The following SFMBT1 variants were observed in gnomAD, a reference collection of about 807,000 sequenced individuals.
SFMBT1 encodes scm-like with four MBT domains protein 1.
SFMBT1 carries 32 observed loss-of-function variants against 108.7 expected under a neutral mutation model. That is an observed-to-expected ratio of 0.29 (90% CI 0.22 to 0.40). SFMBT1 has a LOEUF of 0.40. Ranked by LOEUF, SFMBT1 falls within the 10% of genes least tolerant of loss-of-function variation. The pLI, the probability that SFMBT1 is intolerant of heterozygous loss-of-function variation, is 1.00. For synonymous variants in SFMBT1, 348 were observed against 369.5 expected (o/e 0.94, Z 0.67); for missense variants, 816 against 1,059.6 (o/e 0.77, Z 3.19).
intron 1 of SFMBT1, among the ~76,000 whole-genome samples, chr3:53,033,805 C>A (rs1171968935): frequency 1.3e-5 from 2 of 151,288 alleles, no homozygotes; most frequent in African/African-American, 4.9e-5. Flanking sequence ...CGCAGTGGCT[C>A]ACGCCTGTAA....
chr3:52,955,042 A>C (rs1703733925), intron 2 of SFMBT1, among the ~76,000 whole-genome samples: 1 of 152,170 alleles, frequency 6.6e-6, no homozygotes, highest in South Asian at 2.1e-4. Flanking sequence ...CTAGCAGGAG[A>C]CCAGAAATAA....
In SFMBT1 at chr3:52,911,167, T is replaced by C. The variant is rs760560804; in HGVS notation, c.1742A>G (p.Lys581Arg). 1 of 1,607,322 alleles carries C rather than the reference T, an allele frequency of 6.2e-7. No individual in the cohort carries two copies. Among genetic ancestry groups the C allele is most frequent in the South Asian group, 1.1e-5 (1 of 89,702 alleles). Residue 581 changes from lysine (K) to arginine (R), a missense_variant, in exon 17 of 21, where the codon AAG (lysine) becomes AGG (arginine). Lys to Arg is a conservative substitution (Grantham distance 26). Around this residue, in one of 5 missense-constraint regions of SFMBT1, gnomAD observed 79 missense variants for 120.8 expected, o/e 0.65. Transcript: ENST00000394752. ...TATCTCAACAGTAGCCCGATAACTC[T>C]TTCCTTTATATCTGCCATTGGAAGA... is the stretch of plus-strand genomic sequence containing the variant. ...GEVLKAKYKG[K>R]SYRATVEIVK...
intron 1 of SFMBT1, among the ~76,000 whole-genome samples, chr3:53,036,859 C>T (rs11712653): frequency 6.6e-6 from 1 of 152,132 alleles, no homozygotes; most frequent in African/African-American, 2.4e-5. Context: ...AGGTGGCTTA[C>T]GGGGCCACAG....
intron 6 of SFMBT1, 120 bp downstream of exon 6, chr3:52,931,942 C>A: frequency 8.8e-7 from 1 of 1,134,084 alleles, no homozygotes; most frequent in Non-Finnish European, 1.2e-6. Context: ...TTTGTAATAG[C>A]TCTATTATGA....
chr3:52,993,942 G>A (rs1018824710), intron 1 of SFMBT1, among the ~76,000 whole-genome samples: 2 of 150,138 alleles, frequency 1.3e-5, no homozygotes, highest in Admixed American at 6.7e-5. Flanking sequence ...GGAAAAGGTC[G>A]AAACTGTAAT....
intron 2 of SFMBT1, among the ~76,000 whole-genome samples, chr3:52,968,585 T>C (rs1167345724): frequency 6.7e-6 from 1 of 148,676 alleles, no homozygotes; most frequent in Non-Finnish European, 1.5e-5. Context: ...AAAAGAAGTC[T>C]GTTCAAAACA....
Position 53,000,906 on chromosome 3 carries a change from C to T in SFMBT1, c.-130-31648G>A, listed in dbSNP as rs576538472. Among the ~76,000 whole-genome samples the T allele has an allele frequency of 6.0e-5, 9 of 149,736 alleles. 1 individual carries two copies. The highest frequency in any genetic ancestry group is 5.8e-4 in the East Asian group (3 of 5,140). Reference sequence around the variant, plus strand: ...AGGTGGTTAGGTAAATAAGTTATTGCAAATGCTTAAAATGAAAAAAAATAT... The same window carrying T: ...AGGTGGTTAGGTAAATAAGTTATTGTAAATGCTTAAAATGAAAAAAAATAT... On this transcript the variant is annotated intron_variant, in intron 1 of 20. Coordinates refer to ENST00000394752, the MANE Select transcript of SFMBT1 (RefSeq NM_016329.4).
At chr3:52,994,084 AAAC>A (rs938242997) in intron 1 of SFMBT1, among the ~76,000 whole-genome samples, 1 of 150,410 alleles carries the variant, frequency 6.6e-6, no homozygotes, top group African/African-American at 2.4e-5. Context: ...CTGCAGAGGA[AAAC>A]AACAACAGAC....
intron 1 of SFMBT1, among the ~76,000 whole-genome samples, chr3:52,992,418 T>C (rs1575424568): frequency 6.6e-6 from 1 of 152,090 alleles, no homozygotes; most frequent in Non-Finnish European, 1.5e-5. Flanking sequence ...ACATACCCCA[T>C]AAATACATAC....
Position 52,913,562 on chromosome 3 carries a change from G to A in SFMBT1, c.1536C>T (p.Phe512=). ...CPKIYFNHRC[F]SGPYLNKGRI... Reference sequence around the variant, plus strand: ...TTCCTTTGTTAAGATATGGCCCTGAGAAGCAACGGTGGTTGAAGTATATCT... The same window carrying A: ...TTCCTTTGTTAAGATATGGCCCTGAAAAGCAACGGTGGTTGAAGTATATCT... Residue 512 remains phenylalanine, a synonymous_variant, in exon 15 of 21, where the codon TTC becomes TTT. Coordinates refer to ENST00000394752, the MANE Select transcript of SFMBT1 (RefSeq NM_016329.4). 5 of 1,614,138 alleles carry A rather than the reference G, an allele frequency of 3.1e-6. No homozygotes were observed. The highest frequency in any genetic ancestry group is 4.2e-6 in the Non-Finnish European group (5 of 1,180,026).
intron 17 of SFMBT1, among the ~76,000 whole-genome samples, 180 bp from the exon 18 acceptor site, chr3:52,907,913 TCC>T (rs1702113237): frequency 6.6e-6 from 1 of 152,096 alleles, no homozygotes. Context: ...GAATGATCCC[TCC>T]ATATCAAAGT....
chr3:53,028,296 G>A (rs914767031), intron 1 of SFMBT1, among the ~76,000 whole-genome samples: 1 of 152,106 alleles, frequency 6.6e-6, no homozygotes, highest in Non-Finnish European at 1.5e-5. Flanking sequence ...TGCCCATGCT[G>A]GTCTCGAACT....
intron 1 of SFMBT1, among the ~76,000 whole-genome samples, chr3:53,003,772 A>AG (rs1553642494): frequency 1.4e-5 from 2 of 142,982 alleles, no homozygotes; most frequent in Admixed American, 7.2e-5. Flanking sequence ...AAAAAAAAAA[A>AG]AAAGAAAAGA....
intron 1 of SFMBT1, among the ~76,000 whole-genome samples, chr3:53,035,718 T>A (rs544275564): frequency 1.4e-4 from 21 of 152,234 alleles, no homozygotes; most frequent in Middle Eastern, 3.4e-3. Context: ...TGCCTCAGCC[T>A]CCCCAGTAGC....
intron 1 of SFMBT1, among the ~76,000 whole-genome samples, chr3:52,980,790 C>T (rs1704684242): frequency 6.6e-6 from 1 of 152,120 alleles, no homozygotes; most frequent in Non-Finnish European, 1.5e-5. Flanking sequence ...TGTGGGTGCA[C>T]GACTGCTGTA....
chr3:52,974,902 G>A (rs890916596), intron 1 of SFMBT1, among the ~76,000 whole-genome samples: 1 of 150,196 alleles, frequency 6.7e-6, no homozygotes, highest in Non-Finnish European at 1.5e-5. Context: ...ACCTACTCAG[G>A]AGGCTGAAGT....
chr3:52,948,825 A>ATTTTTTT lies in SFMBT1; in HGVS notation c.124-5239_124-5233dup, dbSNP rs71615878. On this transcript the variant is annotated intron_variant, in intron 3 of 20. Transcript: ENST00000394752. ...CTCCACCATGCCTGGCTAATTTTTA[A>ATTTTTTT]TTTTTTTTTTTTTTTTTTTTTGTAG... 1.8e-4 allele frequency among the ~76,000 whole-genome samples: 14 copies of ATTTTTTT among 78,300 alleles called. 4 individuals are homozygous for ATTTTTTT. The highest frequency in any genetic ancestry group is 2.1e-4 in the Non-Finnish European group (9 of 42,472). 51.4% of individuals were successfully genotyped at this position (78,300 alleles called of 152,430 possible). A position where few individuals can be genotyped will look rare whatever the true frequency, so the allele number is the denominator to read the frequency against.
rs904611545 is a variant in SFMBT1 at position 52,932,157 on chromosome 3, G to A, written c.605C>T (p.Ser202Phe). Reference protein sequence around the residue: ...LKLRYEGLESSDNYEHWLYYL... With the variant: ...LKLRYEGLESFDNYEHWLYYL... Reference sequence around the variant, plus strand: ...ATACAACCAATGTTCATAATTGTCAGAACTTTCAAGTCCTTCATAACGTAG... The same window carrying A: ...ATACAACCAATGTTCATAATTGTCAAAACTTTCAAGTCCTTCATAACGTAG... Residue 202 changes from serine to phenylalanine, a missense_variant, in exon 6 of 21, where the codon TCT becomes TTT. Transcript: ENST00000394752. 1 of 1,614,130 alleles carries A rather than the reference G, an allele frequency of 6.2e-7. No homozygotes were observed. The highest frequency in any genetic ancestry group is 1.3e-5 in the African/African-American group (1 of 75,022).
intron 1 of SFMBT1, among the ~76,000 whole-genome samples, chr3:53,022,870 T>A (rs1699363603): frequency 6.6e-6 from 1 of 152,204 alleles, no homozygotes; most frequent in Non-Finnish European, 1.5e-5. Context: ...ATGAACATAG[T>A]CATACCACTG....
Sources: allele counts gnomAD v4.1 joint callset (sites outside exome capture counted in the v4.1 genomes callset), GRCh38; gene constraint gnomAD v4.1.1; regional missense constraint gnomAD v4.1.1; transcripts MANE v1.5; gene names NCBI Gene and HGNC (gene_info 2026-07-23, HGNC 2026-07-21).